FOCAD: variants seen among roughly 807,000 people sequenced by gnomAD.
FOCAD encodes focadhesin, also known as KIAA1797.
FOCAD carries 198 observed loss-of-function variants against 225.6 expected under a neutral mutation model. The observed-to-expected ratio is 0.88, with a 90% CI of 0.78 to 0.99. The LOEUF is 0.99. Among genes scored for constraint, FOCAD ranks in the 50% least tolerant of loss-of-function variants. FOCAD has a pLI of 0.00. For missense variants in FOCAD, 2,713 were observed against 2,123.6 expected, an observed-to-expected ratio of 1.28 and a Z score of -5.46; for synonymous variants, 897 against 755.0, an observed-to-expected ratio of 1.19 and a Z score of -3.08.
At chr9:20,822,683 T>C (rs931577562) in intron 14 of FOCAD, among the ~76,000 whole-genome samples, 1 of 152,082 alleles carries the variant, frequency 6.6e-6, no homozygotes, top group East Asian at 1.9e-4. Flanking sequence ...TTCAGTTCTT[T>C]TTACCATTAT....
intron 1 of FOCAD, among the ~76,000 whole-genome samples, chr9:20,693,452 A>G (rs1328396347): frequency 6.6e-6 from 1 of 152,078 alleles, no homozygotes; most frequent in Non-Finnish European, 1.5e-5. Flanking sequence ...TATGTAATTT[A>G]CTATTTTGCT....
intron 1 of FOCAD, among the ~76,000 whole-genome samples, chr9:20,705,178 T>G (rs1430038497): frequency 6.6e-6 from 1 of 152,190 alleles, no homozygotes; most frequent in Non-Finnish European, 1.5e-5. Flanking sequence ...GCCACATACA[T>G]GGGTTTTAAA....
Position 20,995,700 on chromosome 9 carries a change from G to C in FOCAD, c.*71G>C. 2 of 1,377,632 alleles carry C rather than the reference G, an allele frequency of 1.5e-6. No homozygotes were observed. Among genetic ancestry groups the C allele is most frequent in the Non-Finnish European group, 2.1e-6 (2 of 970,608 alleles). The allele number at this position is 1,377,632 out of a possible 1,614,324, so 85.3% of individuals were successfully genotyped here. ...CCATATAAGTGGAAGAAGTTTTTCA[G>C]AATTCATGCCTGGTATTGCTGAGAC... On this transcript the variant is annotated 3_prime_UTR_variant, in exon 44 of 44. Coordinates refer to ENST00000338382, the MANE Select transcript of FOCAD (RefSeq NM_001375567.1).
chr9:20,913,620 T>C (rs903960479), intron 23 of FOCAD, among the ~76,000 whole-genome samples: 1 of 152,190 alleles, frequency 6.6e-6, no homozygotes, highest in Non-Finnish European at 1.5e-5. Context: ...GAAGATTATT[T>C]AATTATAGGT....
intron 19 of FOCAD, among the ~76,000 whole-genome samples, chr9:20,878,551 G>A (rs1290030663): frequency 1.3e-5 from 2 of 152,098 alleles, no homozygotes; most frequent in African/African-American, 2.4e-5. Context: ...GAACAATTTC[G>A]CATATCTCTT....
intron 27 of FOCAD, among the ~76,000 whole-genome samples, chr9:20,930,688 A>G (rs974669850): frequency 2.6e-5 from 4 of 152,186 alleles, no homozygotes; most frequent in Admixed American, 1.3e-4. Flanking sequence ...CAGCTCTTAG[A>G]AACATCTGTC....
At chr9:20,908,679 A>G (rs561799951) in intron 22 of FOCAD, among the ~76,000 whole-genome samples, 3 of 152,222 alleles carry the variant, frequency 2.0e-5, no homozygotes, top group East Asian at 3.9e-4. Flanking sequence ...CATGTTTTGG[A>G]TAAATGCATG....
chr9:20,746,583 G>A (rs748964672), intron 5 of FOCAD, among the ~76,000 whole-genome samples: 1 of 152,096 alleles, frequency 6.6e-6, no homozygotes, highest in Non-Finnish European at 1.5e-5. Flanking sequence ...TGCCATGTTT[G>A]CATTATCATT....
At chr9:20,847,711 A>G (rs1827258252) in intron 15 of FOCAD, among the ~76,000 whole-genome samples, 1 of 152,062 alleles carries the variant, frequency 6.6e-6, no homozygotes, top group Non-Finnish European at 1.5e-5. Flanking sequence ...GTAAAATAAG[A>G]ACAGCTATAG....
chr9:20,710,405 C>T (rs976414893), intron 1 of FOCAD, among the ~76,000 whole-genome samples: 4 of 151,478 alleles, frequency 2.6e-5, no homozygotes, highest in Admixed American at 2.6e-4. Flanking sequence ...AGACCAGCCT[C>T]GCCAACATGG....
chr9:20,669,024 T>C (rs1821979934), intron 2 of FOCAD, among the ~76,000 whole-genome samples: 3 of 152,162 alleles, frequency 2.0e-5, no homozygotes, highest in Non-Finnish European at 2.9e-5. Flanking sequence ...TAGGAAGTCC[T>C]GTTTGGAGAC....
chr9:20,730,613 A>C (rs1826606023), intron 4 of FOCAD, among the ~76,000 whole-genome samples: 1 of 152,158 alleles, frequency 6.6e-6, no homozygotes, highest in African/African-American at 2.4e-5. Flanking sequence ...TCTTATTGCT[A>C]TTCAGTGATT....
intron 15 of FOCAD, among the ~76,000 whole-genome samples, chr9:20,829,579 T>C (rs949106284): frequency 1.3e-5 from 2 of 152,124 alleles, no homozygotes; most frequent in Admixed American, 6.6e-5. Flanking sequence ...CTTTGAATAT[T>C]TTCTTCATTG....
Position 20,830,764 on chromosome 9 carries a change from A to T in FOCAD, c.1920+7649A>T, listed in dbSNP as rs118123927. ...GTGGTCATGGTCCACAGCAGCCTTT[A>T]TCTCTGGGTGCAAGGGATCCTCCCA... On this transcript the variant is annotated intron_variant, in intron 15 of 43. Coordinates refer to ENST00000338382, the MANE Select transcript of FOCAD (RefSeq NM_001375567.1). 1.3e-3 allele frequency among the ~76,000 whole-genome samples: 196 copies of T among 152,050 alleles called. 2 individuals are homozygous for T. In the East Asian group the frequency reaches 0.034, roughly 27 times the overall value.
At chr9:20,938,131 G>A (rs1382596663) in intron 28 of FOCAD, among the ~76,000 whole-genome samples, 1 of 152,206 alleles carries the variant, frequency 6.6e-6, no homozygotes, top group African/African-American at 2.4e-5. Context: ...CACTGTTGGT[G>A]GGACCGTAAA....
chr9:20,680,680 T>C (rs1047472146), upstream of FOCAD, among the ~76,000 whole-genome samples: 1 of 152,144 alleles, frequency 6.6e-6, no homozygotes, highest in African/African-American at 2.4e-5. Context: ...CTAAAACATA[T>C]TAGCAGCTAG....
chr9:20,968,454 T>C (rs1438294609), intron 35 of FOCAD, among the ~76,000 whole-genome samples: 1 of 142,810 alleles, frequency 7.0e-6, no homozygotes, highest in Admixed American at 7.0e-5. Flanking sequence ...TTTTTTTTTT[T>C]TGGGAGAGTT....
chr9:20,898,962 T>C (rs1832336936), intron 21 of FOCAD, among the ~76,000 whole-genome samples: 1 of 151,916 alleles, frequency 6.6e-6, no homozygotes, highest in Non-Finnish European at 1.5e-5. Context: ...GATTTTTTTC[T>C]CTTTTTTAAT....
At chr9:20,856,189 G>A (rs1308595048) in intron 15 of FOCAD, among the ~76,000 whole-genome samples, 1 of 151,810 alleles carries the variant, frequency 6.6e-6, no homozygotes. Context: ...TCTCCATAGT[G>A]GCTGTACTAA....
Sources: gnomAD v4.1 joint callset for allele counts (sites outside exome capture counted in the v4.1 genomes callset) on GRCh38, gnomAD v4.1.1 for gene constraint, MANE v1.5 for transcripts, NCBI Gene and HGNC (gene_info 2026-07-23, HGNC 2026-07-21) for gene names.